Variants in ANK3 observed in about 807,000 individuals in gnomAD.
ANK3 encodes ankyrin-3.
A neutral mutation model predicts 370.9 loss-of-function variants in ANK3; 57 were observed. That is an observed-to-expected ratio of 0.15 (90% CI 0.12 to 0.19). The LOEUF (loss-of-function observed/expected upper bound fraction) is 0.19, where lower values mean the gene tolerates loss of function less well. ANK3 is among the 10% of genes least tolerant of loss of function. The pLI, the probability that ANK3 is intolerant of heterozygous loss-of-function variation, is 1.00. For missense variants in ANK3, 4,439 were observed against 5,302.1 expected (o/e 0.84, Z 5.06); for synonymous variants, 1,929 against 1,946.3 (o/e 0.99, Z 0.23).
At chr10:60,411,753 C>T (rs1430984458) in intron 2 of ANK3, among the ~76,000 whole-genome samples, 1 of 152,114 alleles carries the variant, frequency 6.6e-6, no homozygotes, top group East Asian at 1.9e-4. Flanking sequence ...ACCCCATCTG[C>T]CTGTGCCTCA....
intron 2 of ANK3, among the ~76,000 whole-genome samples, chr10:60,599,199 G>A (rs536256521): frequency 3.9e-4 from 60 of 152,172 alleles, no homozygotes; most frequent in Admixed American, 1.6e-3. Flanking sequence ...CCAAACTGCC[G>A]GGATTACAGG....
At chr10:60,068,087 G>A (rs903140070) in intron 37 of ANK3, 78 bp from the exon 38 acceptor site, 1 of 1,303,100 alleles carries the variant, frequency 7.7e-7, no homozygotes, top group Non-Finnish European at 1.1e-6. Context: ...GCAGTACGCA[G>A]ATTTTACAGA....
At chr10:60,292,380 T>C (rs1344261591) in intron 1 of ANK3, among the ~76,000 whole-genome samples, 1 of 151,794 alleles carries the variant, frequency 6.6e-6, no homozygotes, top group Middle Eastern at 3.2e-3. Context: ...AAAAAGTCTA[T>C]CCATTGCATT....
chr10:60,393,013 AG>A (rs1162094061), upstream of ANK3, among the ~76,000 whole-genome samples: 1 of 152,226 alleles, frequency 6.6e-6, no homozygotes, highest in African/African-American at 2.4e-5. Context: ...CAAGAAAAAA[AG>A]AAAAAATCTG....
At chr10:60,043,195 C>T in intron 42 of ANK3, 1 of 987,632 alleles carries the variant, frequency 1.0e-6, no homozygotes, top group South Asian at 4.7e-5. Context: ...TTGCCAATGA[C>T]TTCCTCTTAC....
chr10:60,356,912 T>C (rs1488799618), intron 1 of ANK3, among the ~76,000 whole-genome samples: 1 of 152,218 alleles, frequency 6.6e-6, no homozygotes, highest in Non-Finnish European at 1.5e-5. Context: ...TTTTGCCATG[T>C]TGGCCAGGCT....
chr10:60,187,623 A>G (rs2096377856), intron 16 of ANK3, among the ~76,000 whole-genome samples: 1 of 152,198 alleles, frequency 6.6e-6, no homozygotes, highest in African/African-American at 2.4e-5. Context: ...TCACTAGGGC[A>G]TGTTCAGAGC....
rs536747689 is a variant in ANK3, at chr10:60,255,669, C to T, written c.798+6190G>A. ...ATTATGACATTGAAGGGAAGGAAGG[C>T]CTAAGATGGATGGTGTCATGGCTTC... On this transcript the variant is annotated intron_variant, in intron 7 of 43. Coordinates refer to ENST00000280772, the MANE Select transcript of ANK3 (RefSeq NM_020987.5). Among the ~76,000 whole-genome samples the T allele has an allele frequency of 4.0e-5, 5 of 123,884 alleles. No homozygotes were observed. In the East Asian group the frequency reaches 1.5e-3, roughly 36 times the overall value. The allele number at this position is 123,884 out of a possible 152,430, so 81.3% of individuals were successfully genotyped here.
At chr10:60,086,618 A>G (rs531021921) in intron 30 of ANK3, 59 bp downstream of exon 30, 3 of 1,427,512 alleles carry the variant, frequency 2.1e-6, no homozygotes, top group African/African-American at 2.9e-5. Flanking sequence ...GTACACAAAT[A>G]TATCTTTGTA....
intron 26 of ANK3, among the ~76,000 whole-genome samples, chr10:60,109,925 C>A (rs1279868422): frequency 6.6e-6 from 1 of 152,118 alleles, no homozygotes; most frequent in African/African-American, 2.4e-5. Flanking sequence ...ACACAGTTAT[C>A]GTTATCACAG....
chr10:60,340,867 T>C (rs2054122709), intron 1 of ANK3, among the ~76,000 whole-genome samples: 1 of 152,152 alleles, frequency 6.6e-6, no homozygotes, highest in South Asian at 2.1e-4. Context: ...TGCTGTATCC[T>C]CACAATGACT....
At chr10:60,399,539 C>T (rs1443093739) in intron 2 of ANK3, among the ~76,000 whole-genome samples, 1 of 152,100 alleles carries the variant, frequency 6.6e-6, no homozygotes, top group Non-Finnish European at 1.5e-5. Context: ...CCAGGGCCAT[C>T]GGAGAGCTCT....
intron 1 of ANK3, among the ~76,000 whole-genome samples, chr10:60,672,745 G>A (rs1477648743): frequency 6.6e-6 from 1 of 152,206 alleles, no homozygotes; most frequent in Non-Finnish European, 1.5e-5. Context: ...ACAACCAGTT[G>A]ATCAGAAGCA....
chr10:60,628,456 G>A (rs1419030668), intron 1 of ANK3, among the ~76,000 whole-genome samples: 1 of 152,124 alleles, frequency 6.6e-6, no homozygotes, highest in African/African-American at 2.4e-5. Context: ...TCATCCAGGA[G>A]CAATTCATGT....
At position 60,073,809 on chromosome 10, in the gene ANK3, T is replaced by G. The variant is rs1242828580; in HGVS notation, c.7072A>C (p.Met2358Leu). ...RETKKHPEKEMYVYQKDLSRG... is the reference protein window; with the variant it reads ...RETKKHPEKELYVYQKDLSRG... Reference sequence around the variant, plus strand: ...GATAAGTCTTTCTGATATACATACATTTCTTTTTCTGGATGCTTTTTGGTT... The same window carrying G: ...GATAAGTCTTTCTGATATACATACAGTTCTTTTTCTGGATGCTTTTTGGTT... Residue 2358 changes from methionine (M) to leucine (L), a missense_variant, in exon 37 of 44, where the codon ATG becomes CTG. Physicochemically the swap from Met to Leu is conservative, Grantham distance 15. This residue lies in a region of ANK3 where 1,601 missense variants were observed against 1,731.7 expected (regional missense o/e 0.92). Transcript: ENST00000280772. The G allele has an allele frequency of 6.2e-7, 1 of 1,613,548 alleles. No individual in the cohort carries two copies. Among genetic ancestry groups the G allele is most frequent in the East Asian group, 2.2e-5 (1 of 44,874 alleles).
chr10:60,206,273 G>A (rs1362348027), intron 10 of ANK3, among the ~76,000 whole-genome samples: 1 of 152,120 alleles, frequency 6.6e-6, no homozygotes, highest in Non-Finnish European at 1.5e-5. Flanking sequence ...AGGAGTTCGA[G>A]ACCAACCTGG....
At chr10:60,373,702 A>G (rs2060395847) in intron 1 of ANK3, among the ~76,000 whole-genome samples, 1 of 152,230 alleles carries the variant, frequency 6.6e-6, no homozygotes, top group South Asian at 2.1e-4. Context: ...TTTTAGAGAC[A>G]GGTGGCATGG....
chr10:60,535,298 A>T (rs1402783097), intron 2 of ANK3, among the ~76,000 whole-genome samples: 2 of 152,116 alleles, frequency 1.3e-5, no homozygotes, highest in Non-Finnish European at 2.9e-5. Flanking sequence ...AGAAAGGGAA[A>T]TTCCTCACTT....
At chr10:60,489,674 T>G (rs2075442366) in intron 2 of ANK3, among the ~76,000 whole-genome samples, 1 of 152,196 alleles carries the variant, frequency 6.6e-6, no homozygotes, top group African/African-American at 2.4e-5. Flanking sequence ...CAAAAGGCTC[T>G]TTAAATATTA....
Sources: allele counts gnomAD v4.1 joint callset (sites outside exome capture counted in the v4.1 genomes callset), GRCh38; gene constraint gnomAD v4.1.1; regional missense constraint gnomAD v4.1.1; transcripts MANE v1.5; gene names NCBI Gene and HGNC (gene_info 2026-07-23, HGNC 2026-07-21).